Variants in TTC7B observed in about 807,000 individuals in gnomAD.
TTC7B encodes tetratricopeptide repeat protein 7B.
Under a neutral mutation model 106.8 loss-of-function variants are expected in TTC7B, and 28 were observed. The ratio of observed to expected loss-of-function variants is 0.26; its 90% confidence interval spans 0.19 to 0.36. TTC7B has a LOEUF of 0.36. TTC7B is among the 10% of genes least tolerant of loss of function. The pLI, the probability that TTC7B is intolerant of heterozygous loss-of-function variation, is 1.00. For missense variants in TTC7B, 862 were observed against 1,076.4 expected (o/e 0.80, Z 2.79); for synonymous variants, 405 against 430.6 (o/e 0.94, Z 0.74).
At chr14:90,546,384 G>C (rs905533092) in intron 19 of TTC7B, among the ~76,000 whole-genome samples, 4 of 152,234 alleles carry the variant, frequency 2.6e-5, no homozygotes, top group Non-Finnish European at 5.9e-5. Flanking sequence ...GAGATCAAAG[G>C]CCTAACTCCT....
At position 90,525,233 on chromosome 14, in the gene TTC7B, C is replaced by T. The variant is rs1285840139; in HGVS notation, c.*16135G>A. The T allele has an allele frequency of 2.0e-5, 3 of 152,242 alleles. No homozygotes were observed. Among genetic ancestry groups the T allele is most frequent in the African/African-American group, 7.2e-5 (3 of 41,444 alleles). 9.4% of individuals were successfully genotyped at this position (152,242 alleles called of 1,614,324 possible). A position where few individuals can be genotyped will look rare whatever the true frequency, so the allele number is the denominator to read the frequency against. ...TCTTTTTTGACTGGCTCCTTCAACT[C>T]GTCACCACTACCTGGAGATTCACCC... On this transcript the variant is annotated 3_prime_UTR_variant, in exon 20 of 20. Transcript: ENST00000328459.
At position 90,644,147 on chromosome 14, in the gene TTC7B, G is replaced by A; in HGVS notation, c.1652C>T (p.Ser551Phe). 6.2e-7 allele frequency: 1 copy of A among 1,613,900 alleles called. No homozygotes were observed. Among genetic ancestry groups the A allele is most frequent in the South Asian group, 1.1e-5 (1 of 91,058 alleles). The change falls in exon 15 of 20, where the codon TCC (serine) becomes TTC (phenylalanine). Residue 551 changes from serine to phenylalanine, a missense_variant. Coordinates refer to ENST00000328459, the MANE Select transcript of TTC7B (RefSeq NM_001010854.2). ...CAGCAGGAGGGCAAGGAGGTGCAGG[G>A]AGTTGGCATCGTCACCTTGAAGCTG... The part of the protein sequence containing the change: ...ALQLQGDDAN[S>F]LHLLALLLSA...
intron 19 of TTC7B, among the ~76,000 whole-genome samples, chr14:90,559,690 G>A (rs1157363725): frequency 6.6e-6 from 1 of 152,204 alleles, no homozygotes; most frequent in African/African-American, 2.4e-5. Context: ...CAGCCACTCT[G>A]TTTTGGGAGA....
intron 5 of TTC7B, among the ~76,000 whole-genome samples, chr14:90,719,002 T>C (rs112191576): frequency 0.015 from 2,329 of 152,150 alleles, 58 homozygotes; most frequent in African/African-American, 0.053. Context: ...GGCTTGCGCC[T>C]GTAATCCCAG....
chr14:90,595,455 C>A (rs1892164234), intron 17 of TTC7B, among the ~76,000 whole-genome samples: 2 of 152,330 alleles, frequency 1.3e-5, no homozygotes, highest in East Asian at 3.9e-4. Flanking sequence ...GTATGTCTAA[C>A]TACTATTTTT....
intron 5 of TTC7B, among the ~76,000 whole-genome samples, chr14:90,701,796 G>A (rs1749702): frequency 0.02 from 2,333 of 118,828 alleles, 66 homozygotes; most frequent in African/African-American, 0.063. Flanking sequence ...GTGTGTGTGT[G>A]TATATATATA....
rs542069179 is a variant in TTC7B at position 90,694,375 on chromosome 14, C to T, written c.777+1125G>A. On this transcript the variant is annotated intron_variant, in intron 6 of 19. Transcript: ENST00000328459. The stretch of plus-strand genomic sequence containing the variant: ...GGGGAAAATGGGGATTGACTACTAA[C>T]GAGTATAGAGTTTCTTTTGGGGGTG... Among the ~76,000 whole-genome samples, 9 of 151,880 alleles carry T rather than the reference C, an allele frequency of 5.9e-5. No homozygotes were observed. In the South Asian group the frequency reaches 6.2e-4, roughly 10 times the overall value.
chr14:90,627,960 C>A (rs1163847093), intron 15 of TTC7B, among the ~76,000 whole-genome samples: 1 of 152,198 alleles, frequency 6.6e-6, no homozygotes, highest in Non-Finnish European at 1.5e-5. Flanking sequence ...CCAAAGACCT[C>A]TCCAGTTCCT....
At chr14:90,773,567 A>G (rs1321224776) in intron 3 of TTC7B, among the ~76,000 whole-genome samples, 1 of 152,186 alleles carries the variant, frequency 6.6e-6, no homozygotes, top group Admixed American at 6.5e-5. Context: ...ATCACCACGC[A>G]CCATGCCAGA....
In TTC7B at chr14:90,533,848, C is replaced by T. The variant is rs1889347964; in HGVS notation, c.*7520G>A. On this transcript the variant is annotated 3_prime_UTR_variant, in exon 20 of 20. Coordinates refer to ENST00000328459, the MANE Select transcript of TTC7B (RefSeq NM_001010854.2). ...CCCCCACCACCTTCCTGCCACCTCT[C>T]CATAGTCAGCCCCACTCAGGGCTTG... 6.6e-6 allele frequency: 1 copy of T among 152,476 alleles called. No individual in the cohort carries two copies. The highest frequency in any genetic ancestry group is 1.5e-5 in the Non-Finnish European group (1 of 68,214). The allele number at this position is 152,476 out of a possible 1,614,324, so 9.4% of individuals were successfully genotyped here.
At chr14:90,555,453 G>T (rs1310699814) in intron 19 of TTC7B, among the ~76,000 whole-genome samples, 1 of 152,194 alleles carries the variant, frequency 6.6e-6, no homozygotes, top group African/African-American at 2.4e-5. Context: ...GTGACCTGAA[G>T]AATGGCTGCC....
intron 1 of TTC7B, among the ~76,000 whole-genome samples, chr14:90,793,416 C>A (rs374172020): frequency 1.3e-5 from 2 of 151,274 alleles, no homozygotes; most frequent in East Asian, 4.0e-4. Flanking sequence ...CCCAGCTACT[C>A]AGGAGGCTGA....
intron 17 of TTC7B, chr14:90,602,349 T>C: frequency 2.5e-6 from 1 of 406,078 alleles, no homozygotes; most frequent in Admixed American, 2.6e-5. Context: ...AGAGAATCAG[T>C]GGTCTAAGAA....
At chr14:90,775,501 C>T (rs1365920242) in intron 3 of TTC7B, among the ~76,000 whole-genome samples, 1 of 152,086 alleles carries the variant, frequency 6.6e-6, no homozygotes, top group Non-Finnish European at 1.5e-5. Context: ...CATGGAAGAG[C>T]AATTTCCACC....
chr14:90,578,409 C>A lies in TTC7B; in HGVS notation c.2108-101G>T. Reference sequence around the variant, plus strand: ...TCGTGTTCCCTGCACGGGAGTCTGGCGGGGCGCAGAGCCAGCTGATCCCTG... The same window carrying A: ...TCGTGTTCCCTGCACGGGAGTCTGGAGGGGCGCAGAGCCAGCTGATCCCTG... On this transcript the variant is annotated intron_variant, in intron 18 of 19. Transcript: ENST00000328459. This position sits in a 1 kb window ranked among gnomAD's most constrained non-coding sequence, Gnocchi z 4.7. 7.9e-7 allele frequency: 1 copy of A among 1,272,668 alleles called. No individual in the cohort carries two copies. Among genetic ancestry groups the A allele is most frequent in the East Asian group, 2.5e-5 (1 of 40,700 alleles). 78.8% of individuals were successfully genotyped at this position (1,272,668 alleles called of 1,614,324 possible).
intron 9 of TTC7B, among the ~76,000 whole-genome samples, chr14:90,667,517 T>C (rs1478740208): frequency 3.3e-5 from 5 of 152,176 alleles, no homozygotes. Context: ...TGTTATCCCC[T>C]ACCCCCGCAA....
chr14:90,743,045 G>C (rs1451517906), intron 4 of TTC7B, among the ~76,000 whole-genome samples: 2 of 152,218 alleles, frequency 1.3e-5, no homozygotes, highest in African/African-American at 4.8e-5. Context: ...GCAGACAGTG[G>C]AAATAATGGA....
intron 3 of TTC7B, among the ~76,000 whole-genome samples, chr14:90,761,909 C>CCT (rs1566875163): frequency 6.6e-6 from 1 of 152,180 alleles, no homozygotes; most frequent in Non-Finnish European, 1.5e-5. Context: ...TTTTGCAATA[C>CCT]CTCTGATATC....
At chr14:90,774,899 C>T (rs897645182) in intron 3 of TTC7B, among the ~76,000 whole-genome samples, 2 of 152,146 alleles carry the variant, frequency 1.3e-5, no homozygotes, top group African/African-American at 2.4e-5. Flanking sequence ...AACAATTAGC[C>T]AGGCGTGGTT....
Sources: allele counts gnomAD v4.1 joint callset (sites outside exome capture counted in the v4.1 genomes callset), GRCh38; gene constraint gnomAD v4.1.1; non-coding constraint Gnocchi (gnomAD v3.1); transcripts MANE v1.5; gene names NCBI Gene and HGNC (gene_info 2026-07-23, HGNC 2026-07-21).